Variants in NKTR observed in about 807,000 individuals in gnomAD.
NKTR encodes natural killer cell triggering receptor, also known as NK-tumor recognition protein.
In NKTR, 67 loss-of-function variants were observed where a neutral mutation model predicts 156.3. That is an observed-to-expected ratio of 0.43 (90% CI 0.35 to 0.53). The LOEUF (loss-of-function observed/expected upper bound fraction) is 0.53. Ranked by LOEUF, NKTR falls within the 20% of genes least tolerant of loss-of-function variation. The pLI is 0.01. For missense variants in NKTR, 1,604 were observed against 1,730.9 expected (o/e 0.93, Z 1.30); for synonymous variants, 640 against 596.6 (o/e 1.07, Z -1.06).
At chr3:42,620,328 A>G in intron 5 of NKTR, 6 of 1,158,480 alleles carry the variant, frequency 5.2e-6, no homozygotes, top group Non-Finnish European at 6.4e-6. Context: ...AAAGGTTTGT[A>G]TGTTTTCTTT....
intron 15 of NKTR, 93 bp downstream of exon 15, chr3:42,643,488 C>T (rs928446926): frequency 4.0e-6 from 4 of 1,010,624 alleles, no homozygotes; most frequent in Admixed American, 3.8e-5. Context: ...TATTGAGTAA[C>T]TAAATGCATA....
Position 42,632,751 on chromosome 3 carries a change from G to C in NKTR, c.701G>C (p.Arg234Pro). Reference sequence around the variant, plus strand: ...CATAAGAGGAGGCCAAAAGTTAAACGTTCTAAAAAGAGGCGAAAGGAAGCA... The same window carrying C: ...CATAAGAGGAGGCCAAAAGTTAAACCTTCTAAAAAGAGGCGAAAGGAAGCA... ...RKHKRRPKVK[R>P]SKKRRKEASS... Residue 234 changes from arginine (R) to proline (P), a missense_variant, in exon 9 of 17, where the codon CGT becomes CCT. By Grantham distance (103) the Arg-to-Pro change is moderately radical. Around this residue, in one of 6 missense-constraint regions of NKTR, gnomAD observed 1,255 missense variants for 1,243.7 expected, o/e 1.01. Transcript: ENST00000232978. 2 of 1,612,434 alleles carry C rather than the reference G, an allele frequency of 1.2e-6. No individual in the cohort carries two copies. Among genetic ancestry groups the C allele is most frequent in the South Asian group, 2.2e-5 (2 of 90,440 alleles).
chr3:42,635,557 T>C, intron 12 of NKTR, 191 bp downstream of exon 12: 1 of 434,926 alleles, frequency 2.3e-6, no homozygotes, highest in Non-Finnish European at 4.1e-6. Context: ...TAAATCAAAA[T>C]CCTGTTTTCC....
intron 2 of NKTR, among the ~76,000 whole-genome samples, chr3:42,613,858 C>T (rs1039124460): frequency 3.9e-5 from 6 of 152,120 alleles, no homozygotes; most frequent in East Asian, 1.9e-4. Context: ...AGAAACTAGT[C>T]CTGCTTTGTG....
intron 2 of NKTR, among the ~76,000 whole-genome samples, chr3:42,609,094 C>T (rs986199854): frequency 6.6e-6 from 1 of 151,624 alleles, no homozygotes; most frequent in Non-Finnish European, 1.5e-5. Flanking sequence ...TACCACTGCA[C>T]TCCTGCCTGG....
At chr3:42,633,268 C>G (rs138981974) in intron 9 of NKTR, 1 of 763,356 alleles carries the variant, frequency 1.3e-6, no homozygotes, top group East Asian at 6.8e-5. Context: ...TCTCTGACTC[C>G]TGTCCTCAAG....
chr3:42,606,839 C>T (rs1225427507), intron 2 of NKTR, among the ~76,000 whole-genome samples: 1 of 151,804 alleles, frequency 6.6e-6, no homozygotes, highest in Non-Finnish European at 1.5e-5. Flanking sequence ...TAGTGAGACA[C>T]TATCCCTAAA....
At chr3:42,627,778 A>G in intron 6 of NKTR, 1 of 983,272 alleles carries the variant, frequency 1.0e-6, no homozygotes, top group Non-Finnish European at 1.2e-6. Flanking sequence ...TGTTTTCATA[A>G]GCATATATAA....
rs534433262 is a variant in NKTR at position 42,611,504 on chromosome 3, C to T, written c.59-6066C>T. Among the ~76,000 whole-genome samples, 7 of 152,046 alleles carry T rather than the reference C, an allele frequency of 4.6e-5. No individual in the cohort carries two copies. In the South Asian group the frequency reaches 8.3e-4, roughly 18 times the overall value. The stretch of plus-strand genomic sequence containing the variant: ...ATCCCAGCACTCTGGGAGGTCGAGG[C>T]GGGCAAATCACAAGGTTAGGAGTTC... On this transcript the variant is annotated intron_variant, in intron 2 of 16. Transcript: ENST00000232978.
chr3:42,615,027 T>A (rs185072629), intron 2 of NKTR, among the ~76,000 whole-genome samples: 1 of 152,230 alleles, frequency 6.6e-6, no homozygotes, highest in East Asian at 1.9e-4. Flanking sequence ...AAAAGACTTT[T>A]TTTTTTGCTC....
rs1329101068 is a variant in NKTR, at chr3:42,647,510, G to A, written c.*1535G>A. ...GAGCTGACAACCCTTGGTGGAGGGA[G>A]GGTGCCCTTGAATGTATTAAAACTA... On this transcript the variant is annotated 3_prime_UTR_variant, in exon 17 of 17. Coordinates refer to ENST00000232978, the MANE Select transcript of NKTR (RefSeq NM_005385.4). 1 of 151,972 alleles carries A rather than the reference G, an allele frequency of 6.6e-6. No homozygotes were observed. Among genetic ancestry groups the A allele is most frequent in the Non-Finnish European group, 1.5e-5 (1 of 68,002 alleles). The allele number at this position is 151,972 out of a possible 1,614,324, so 9.4% of individuals were successfully genotyped here. A position where few individuals can be genotyped will look rare whatever the true frequency, so the allele number is the denominator to read the frequency against.
In NKTR at chr3:42,643,939, A is replaced by T. The variant is rs1710134457; in HGVS notation, c.4237A>T (p.Ser1413Cys). 6.2e-7 allele frequency: 1 copy of T among 1,613,974 alleles called. No individual in the cohort carries two copies. Among genetic ancestry groups the T allele is most frequent in the South Asian group, 1.1e-5 (1 of 91,084 alleles). The change falls in exon 16 of 17, where the codon AGT becomes TGT. Residue 1413 changes from serine (S) to cysteine (C), a missense_variant. Ser to Cys is a moderately radical substitution (Grantham distance 112, BLOSUM62 -1). Coordinates refer to ENST00000232978, the MANE Select transcript of NKTR (RefSeq NM_005385.4). ...TYDSYYSRSR[S>C]RSRSQRSDSY... is the part of the protein sequence containing the mutation. ...CGATAGCTACTATAGCAGGAGTCGG[A>T]GTCGAAGTAGAAGCCAGAGAAGTGA...
At position 42,638,776 on chromosome 3, in the gene NKTR, A is replaced by T; in HGVS notation, c.3072A>T (p.Glu1024Asp). Reference protein sequence around the residue: ...FHWQPPLEFGEEEEEEIDDKQ... With the variant: ...FHWQPPLEFGDEEEEEIDDKQ... ...GGCAGCCTCCACTAGAATTTGGTGA[A>T]GAGGAGGAGGAGGAGATTGATGACA... The change falls in exon 13 of 17, where the codon GAA becomes GAT. Residue 1024 changes from glutamate (E) to aspartate (D), a missense_variant. Around this residue, in one of 6 missense-constraint regions of NKTR, gnomAD observed 1,255 missense variants for 1,243.7 expected, o/e 1.01. Transcript: ENST00000232978. 1 of 1,613,920 alleles carries T rather than the reference A, an allele frequency of 6.2e-7. No individual in the cohort carries two copies. The highest frequency in any genetic ancestry group is 8.5e-7 in the Non-Finnish European group (1 of 1,179,988).
In NKTR at chr3:42,610,002, T is replaced by C. The variant is rs546657952; in HGVS notation, c.59-7568T>C. Reference sequence around the variant, plus strand: ...TGTCCTCTTATCTACTTACATTGACTAGAATTTCCTTTTTTTTTGAGACAG... The same window carrying C: ...TGTCCTCTTATCTACTTACATTGACCAGAATTTCCTTTTTTTTTGAGACAG... On this transcript the variant is annotated intron_variant, in intron 2 of 16. Transcript: ENST00000232978. 1.6e-4 allele frequency among the ~76,000 whole-genome samples: 25 copies of C among 152,076 alleles called. No homozygotes were observed. In the South Asian group the frequency reaches 5.0e-3, roughly 30 times the overall value.
chr3:42,611,597 G>C (rs772013211), intron 2 of NKTR, among the ~76,000 whole-genome samples: 3 of 152,040 alleles, frequency 2.0e-5, no homozygotes, highest in Admixed American at 1.3e-4. Flanking sequence ...GCTGGGCATA[G>C]TGGTAGGTGT....
intron 6 of NKTR, chr3:42,627,952 A>T: frequency 1.0e-6 from 1 of 985,352 alleles, no homozygotes; most frequent in Non-Finnish European, 1.2e-6. Flanking sequence ...CTTTTAGTAG[A>T]ATTGAATAGT....
Position 42,638,321 on chromosome 3 carries a change from A to G in NKTR, c.2617A>G (p.Ser873Gly). ...ENLSDHLRNG[S>G]KPKRKNYAGS... ...TCTTTCTGATCACCTTAGAAATGGCAGTAAGCCCAAAAGGAAGAATTATGC... is the reference window on the plus strand; with the variant it reads ...TCTTTCTGATCACCTTAGAAATGGCGGTAAGCCCAAAAGGAAGAATTATGC... Residue 873 changes from serine (S) to glycine (G), a missense_variant, in exon 13 of 17, where the codon AGT (serine) becomes GGT (glycine). Coordinates refer to ENST00000232978, the MANE Select transcript of NKTR (RefSeq NM_005385.4). 1.2e-6 allele frequency: 2 copies of G among 1,610,440 alleles called. No individual in the cohort carries two copies. The highest frequency in any genetic ancestry group is 1.7e-6 in the Non-Finnish European group (2 of 1,179,072).
In NKTR at chr3:42,638,809, TACTC is replaced by T; in HGVS notation, c.3107_3110del (p.Thr1036ArgfsTer15). The T allele has an allele frequency of 6.2e-7, 1 of 1,608,098 alleles. No homozygotes were observed. The highest frequency in any genetic ancestry group is 8.5e-7 in the Non-Finnish European group (1 of 1,178,564). ...AGGAGGAGATTGATGACAAGCAAGT[TACTC>T]AGGAATCAAAAGAGAAAAAAGTTTC... On this transcript the variant is annotated frameshift_variant, in exon 13 of 17. Coordinates refer to ENST00000232978, the MANE Select transcript of NKTR (RefSeq NM_005385.4). LOFTEE classifies it high-confidence loss of function.
chr3:42,628,471 GGTTTGCC>G, intron 6 of NKTR: 1 of 985,346 alleles, frequency 1.0e-6, no homozygotes, highest in Non-Finnish European at 1.2e-6. Context: ...TTTCTCCAAA[GGTTTGCC>G]ATAAAGTGGT....
Sources: allele counts gnomAD v4.1 joint callset (sites outside exome capture counted in the v4.1 genomes callset), GRCh38; gene constraint gnomAD v4.1.1; regional missense constraint gnomAD v4.1.1; transcripts MANE v1.5; gene names NCBI Gene and HGNC (gene_info 2026-07-23, HGNC 2026-07-21).